COMMD10: variants seen among roughly 807,000 people sequenced by gnomAD.
COMMD10 encodes COMM domain-containing protein 10.
A neutral mutation model predicts 28.9 loss-of-function variants in COMMD10; 33 were observed. The ratio of observed to expected loss-of-function variants is 1.14; its 90% CI spans 0.87 to 1.53. COMMD10 has a LOEUF of 1.53. COMMD10 is among the 40% of genes most tolerant of loss of function. COMMD10 has a pLI of 0.00. For missense variants in COMMD10, 310 were observed against 233.4 expected (o/e 1.33, Z -2.14); for synonymous variants, 110 against 81.7 (o/e 1.35, Z -1.87).
chr5:116,143,069 G>GTTTTTTTTTT (rs375227609), intron 5 of COMMD10, among the ~76,000 whole-genome samples: 13 of 130,970 alleles, frequency 9.9e-5, no homozygotes, highest in Non-Finnish European at 1.6e-4. Flanking sequence ...TGTGTTTTTG[G>GTTTTTTTTTT]TTTTTTTTTT....
chr5:116,277,635 G>C (rs527561297), intron 5 of COMMD10, among the ~76,000 whole-genome samples: 1 of 151,962 alleles, frequency 6.6e-6, no homozygotes, highest in African/African-American at 2.4e-5. Context: ...TTCATAACTT[G>C]AGGTAAATGC....
At chr5:116,228,668 A>C (rs537164531) in intron 5 of COMMD10, among the ~76,000 whole-genome samples, 2 of 151,954 alleles carry the variant, frequency 1.3e-5, no homozygotes, top group Non-Finnish European at 2.9e-5. Context: ...GTGTTTTTTC[A>C]TGAATATTAG....
At chr5:116,291,492 T>G in intron 5 of COMMD10, 25 bp from the exon 6 acceptor site, 1 of 1,548,042 alleles carries the variant, frequency 6.5e-7, no homozygotes, top group South Asian at 1.2e-5. Flanking sequence ...AACTACATTC[T>G]TTTTGTTGTT....
intron 5 of COMMD10, among the ~76,000 whole-genome samples, chr5:116,191,373 A>G (rs1242714824): frequency 2.0e-5 from 3 of 151,964 alleles, no homozygotes; most frequent in East Asian, 1.9e-4. Context: ...TTCTTTTGCA[A>G]CTGGGTGGCG....
intron 5 of COMMD10, among the ~76,000 whole-genome samples, chr5:116,142,854 A>G (rs1420263807): frequency 6.6e-6 from 1 of 151,730 alleles, no homozygotes; most frequent in African/African-American, 2.4e-5. Context: ...TATGTGTTAG[A>G]TAATTGCCAA....
At chr5:116,137,531 T>C (rs576336306) in intron 5 of COMMD10, among the ~76,000 whole-genome samples, 1 of 152,148 alleles carries the variant, frequency 6.6e-6, no homozygotes, top group African/African-American at 2.4e-5. Flanking sequence ...AATATACATA[T>C]ATTAAACTAC....
chr5:116,221,465 A>G (rs1749253968), intron 5 of COMMD10, among the ~76,000 whole-genome samples: 1 of 152,090 alleles, frequency 6.6e-6, no homozygotes, highest in South Asian at 2.1e-4. Context: ...TTGAATCTAA[A>G]CACCAGTCCC....
At chr5:116,148,790 T>C (rs1224500746) in intron 5 of COMMD10, among the ~76,000 whole-genome samples, 1 of 151,864 alleles carries the variant, frequency 6.6e-6, no homozygotes, top group African/African-American at 2.4e-5. Context: ...ACCTGAAGAA[T>C]GGGAGAACAC....
intron 5 of COMMD10, among the ~76,000 whole-genome samples, chr5:116,278,885 A>G (rs1319814163): frequency 6.6e-6 from 1 of 151,842 alleles, no homozygotes; most frequent in Admixed American, 6.6e-5. Context: ...AAGACCTGTA[A>G]GACTACTACC....
chr5:116,225,451 T>C (rs1186333232), intron 5 of COMMD10, among the ~76,000 whole-genome samples: 1 of 151,868 alleles, frequency 6.6e-6, no homozygotes, highest in Non-Finnish European at 1.5e-5. Flanking sequence ...TCATATTCTT[T>C]TGAGGACCTT....
At chr5:116,120,358 G>C (rs1751389231) in intron 4 of COMMD10, among the ~76,000 whole-genome samples, 1 of 152,080 alleles carries the variant, frequency 6.6e-6, no homozygotes, top group African/African-American at 2.4e-5. Context: ...GGGCAAGGTT[G>C]GGAGGAAGAT....
chr5:116,205,594 CTGTG>C (rs1748790498), intron 5 of COMMD10, among the ~76,000 whole-genome samples: 1 of 151,950 alleles, frequency 6.6e-6, no homozygotes, highest in South Asian at 2.1e-4. Flanking sequence ...GGCTATAGAT[CTGTG>C]TGTATGTACA....
intron 5 of COMMD10, among the ~76,000 whole-genome samples, chr5:116,283,719 C>T (rs552443159): frequency 1.1e-4 from 16 of 151,696 alleles, no homozygotes; most frequent in Non-Finnish European, 1.9e-4. Flanking sequence ...ATTAGTCTTA[C>T]TGCATAATGG....
At chr5:116,288,474 A>G (rs1459537094) in intron 5 of COMMD10, among the ~76,000 whole-genome samples, 1 of 151,834 alleles carries the variant, frequency 6.6e-6, no homozygotes, top group African/African-American at 2.4e-5. Flanking sequence ...ATCTGTATGT[A>G]CATTTCTGTC....
chr5:116,093,825 GACATATATACCA>G (rs1473159650), intron 4 of COMMD10, among the ~76,000 whole-genome samples: 2 of 152,152 alleles, frequency 1.3e-5, no homozygotes, highest in Non-Finnish European at 2.9e-5. Context: ...TAGAAAAGCA[GACATATATACCA>G]ATGGAACAGC....
intron 4 of COMMD10, among the ~76,000 whole-genome samples, chr5:116,130,770 A>G (rs964668322): frequency 6.6e-6 from 1 of 152,016 alleles, no homozygotes; most frequent in African/African-American, 2.4e-5. Context: ...TTTGCAGGCT[A>G]GCCTTTGTGT....
At chr5:116,094,230 C>G (rs780347348) in intron 4 of COMMD10, among the ~76,000 whole-genome samples, 23 of 152,104 alleles carry the variant, frequency 1.5e-4, no homozygotes, top group African/African-American at 5.3e-4. Flanking sequence ...AAAATGAAGA[C>G]ACAACCTGAC....
At chr5:116,128,053 G>T (rs1232197557) in intron 4 of COMMD10, among the ~76,000 whole-genome samples, 1 of 151,936 alleles carries the variant, frequency 6.6e-6, no homozygotes, top group African/African-American at 2.4e-5. Context: ...TCTTGCTGTG[G>T]GACATAGTCG....
At chr5:116,276,953 TGTG>T (rs767746766) in intron 5 of COMMD10, among the ~76,000 whole-genome samples, 27 of 151,908 alleles carry the variant, frequency 1.8e-4, no homozygotes, top group Middle Eastern at 3.4e-3. Flanking sequence ...TAAAATTAAT[TGTG>T]GTGATAGTTG....
Sources: gnomAD v4.1 joint callset for allele counts (sites outside exome capture counted in the v4.1 genomes callset) on GRCh38, gnomAD v4.1.1 for gene constraint, MANE v1.5 for transcripts, NCBI Gene and HGNC (gene_info 2026-07-23, HGNC 2026-07-21) for gene names.